Variants in DSCAM observed in about 807,000 individuals in gnomAD.
DSCAM encodes DS cell adhesion molecule.
In DSCAM, 47 loss-of-function variants were observed where a neutral mutation model predicts 217.7. That is an observed-to-expected ratio of 0.22 (90% CI 0.17 to 0.28). The LOEUF (loss-of-function observed/expected upper bound fraction) is 0.28. Among genes scored for constraint, DSCAM ranks in the 10% least tolerant of loss-of-function variants. The pLI is 1.00. For synonymous variants in DSCAM, 1,056 were observed against 1,015.3 expected (o/e 1.04, Z -0.76); for missense variants, 2,080 against 2,618.3 (o/e 0.79, Z 4.49).
intron 16 of DSCAM, among the ~76,000 whole-genome samples, chr21:40,157,511 A>G (rs946107191): frequency 1.3e-5 from 2 of 152,176 alleles, no homozygotes; most frequent in African/African-American, 4.8e-5. Context: ...CTCTCCTTTT[A>G]TCCATGCTCC....
intron 20 of DSCAM, among the ~76,000 whole-genome samples, chr21:40,122,724 C>T (rs564464511): frequency 6.6e-6 from 1 of 152,256 alleles, no homozygotes; most frequent in South Asian, 2.1e-4. Flanking sequence ...TGACTATTTA[C>T]GTTTACATAT....
rs1417807862 is a variant in DSCAM, at chr21:40,559,375, G to A, written c.508+133435C>T. Among the ~76,000 whole-genome samples, 7 of 151,666 alleles carry A rather than the reference G, an allele frequency of 4.6e-5. No homozygotes were observed. In the South Asian group the frequency reaches 1.5e-3, roughly 31 times the overall value. On this transcript the variant is annotated intron_variant, in intron 3 of 32. Coordinates refer to ENST00000400454, the MANE Select transcript of DSCAM (RefSeq NM_001389.5). Reference sequence around the variant, plus strand: ...GGGGAGGCTGAGGCAGAAGAATAGCGTAAACCCGGGGGGTGGAGCTTGCAG... The same window carrying A: ...GGGGAGGCTGAGGCAGAAGAATAGCATAAACCCGGGGGGTGGAGCTTGCAG...
intron 21 of DSCAM, among the ~76,000 whole-genome samples, 169 bp downstream of exon 21, chr21:40,093,552 T>C (rs910609094): frequency 8.5e-5 from 13 of 152,234 alleles, no homozygotes; most frequent in Non-Finnish European, 1.8e-4. Context: ...TACTTTTCCA[T>C]GGGACAGAAG....
chr21:40,737,124 T>C (rs1005809493), intron 1 of DSCAM, among the ~76,000 whole-genome samples: 2 of 152,222 alleles, frequency 1.3e-5, no homozygotes, highest in African/African-American at 4.8e-5. Context: ...TATTTTCCTT[T>C]ATTCTAATTT....
intron 3 of DSCAM, among the ~76,000 whole-genome samples, chr21:40,516,687 G>C (rs897877343): frequency 6.6e-6 from 1 of 152,084 alleles, no homozygotes; most frequent in East Asian, 1.9e-4. Context: ...TCTGCGACTA[G>C]GCAGAGGTCA....
intron 27 of DSCAM, among the ~76,000 whole-genome samples, chr21:40,072,061 T>G (rs1351353238): frequency 1.3e-5 from 2 of 152,236 alleles, no homozygotes; most frequent in Non-Finnish European, 2.9e-5. Context: ...GTCTGCCCCT[T>G]GCAAGCCTTG....
At chr21:40,443,098 T>A (rs1237191129) in intron 3 of DSCAM, among the ~76,000 whole-genome samples, 2 of 152,248 alleles carry the variant, frequency 1.3e-5, no homozygotes, top group Non-Finnish European at 2.9e-5. Flanking sequence ...CTGTGGATCA[T>A]ATCGTGTTGA....
chr21:40,641,728 C>T lies in DSCAM; in HGVS notation c.508+51082G>A, dbSNP rs139306759. 2.0e-5 allele frequency among the ~76,000 whole-genome samples: 3 copies of T among 152,176 alleles called. No homozygotes were observed. The East Asian group carries it at 5.8e-4, about 30-fold the overall frequency. On this transcript the variant is annotated intron_variant, in intron 3 of 32. Coordinates refer to ENST00000400454, the MANE Select transcript of DSCAM (RefSeq NM_001389.5). ...GATTTATTTACTCTGACATGGAGAG[C>T]CTTACTACACACTGATAAAAGCCAA...
chr21:40,229,377 TA>T (rs2091360697), intron 11 of DSCAM, among the ~76,000 whole-genome samples: 1 of 152,256 alleles, frequency 6.6e-6, no homozygotes, highest in South Asian at 2.1e-4. Context: ...TTAATTCACC[TA>T]CATTAAGATT....
intron 3 of DSCAM, among the ~76,000 whole-genome samples, chr21:40,515,936 CT>C (rs912171304): frequency 4.6e-5 from 7 of 151,230 alleles, no homozygotes; most frequent in African/African-American, 1.2e-4. Flanking sequence ...ACAAAACTTT[CT>C]TTTTTTTTCA....
At chr21:40,531,087 T>C (rs1020524397) in intron 3 of DSCAM, among the ~76,000 whole-genome samples, 1 of 152,206 alleles carries the variant, frequency 6.6e-6, no homozygotes, top group Non-Finnish European at 1.5e-5. Context: ...AATAAGAGTT[T>C]ACACTGAAAA....
Position 40,134,028 on chromosome 21 carries a change from A to G in DSCAM, c.3407-19T>C, listed in dbSNP as rs1261889158. The G allele has an allele frequency of 1.3e-6, 2 of 1,598,752 alleles. No homozygotes were observed. The highest frequency in any genetic ancestry group is 1.3e-5 in the African/African-American group (1 of 74,280). On this transcript the variant is annotated intron_variant, in intron 18 of 32. Transcript: ENST00000400454. The stretch of plus-strand genomic sequence containing the variant: ...CCCAGCTCTGGAGGACAAGAACAAG[A>G]AAACAAAATCCCACTTCTGAGCCCA...
At chr21:40,259,276 C>CTCTTTT (rs60746502) in intron 11 of DSCAM, among the ~76,000 whole-genome samples, 9 of 119,754 alleles carry the variant, frequency 7.5e-5, no homozygotes, top group African/African-American at 2.9e-4. Flanking sequence ...TTAATGAACT[C>CTCTTTT]TTTTTTTTTT....
intron 11 of DSCAM, among the ~76,000 whole-genome samples, chr21:40,222,917 A>G (rs2091300977): frequency 6.6e-6 from 1 of 152,232 alleles, no homozygotes; most frequent in Non-Finnish European, 1.5e-5. Context: ...TCTGTATTAA[A>G]GATCTAAAGT....
At chr21:40,780,413 G>A (rs200104238) in intron 1 of DSCAM, among the ~76,000 whole-genome samples, 11,723 of 38,562 alleles carry the variant, frequency 0.3, 1,035 homozygotes, top group Non-Finnish European at 0.36. Flanking sequence ...GTGTGTGTGT[G>A]TGTGTGTGTG....
At chr21:40,747,373 C>T (rs1390048146) in intron 1 of DSCAM, among the ~76,000 whole-genome samples, 2 of 149,970 alleles carry the variant, frequency 1.3e-5, no homozygotes, top group Non-Finnish European at 3.0e-5. Context: ...AAAAAGGAAA[C>T]ATTAAAACTG....
intron 3 of DSCAM, among the ~76,000 whole-genome samples, chr21:40,566,965 A>G (rs7278084): frequency 0.037 from 5,699 of 152,008 alleles, 308 homozygotes; most frequent in African/African-American, 0.12. Context: ...GCATCCTTTC[A>G]GTGCGAAGGA....
intron 3 of DSCAM, among the ~76,000 whole-genome samples, chr21:40,631,579 C>T (rs1439661663): frequency 6.6e-6 from 1 of 152,164 alleles, no homozygotes; most frequent in Admixed American, 6.5e-5. Flanking sequence ...CCCTCAGGCC[C>T]CACAGTCATG....
At chr21:40,267,505 T>C (rs1218050483) in intron 11 of DSCAM, among the ~76,000 whole-genome samples, 2 of 152,218 alleles carry the variant, frequency 1.3e-5, no homozygotes, top group African/African-American at 2.4e-5. Flanking sequence ...ATTAGATGTA[T>C]GTTAACCATT....
Sources: gnomAD v4.1 joint callset for allele counts (sites outside exome capture counted in the v4.1 genomes callset) on GRCh38, gnomAD v4.1.1 for gene constraint, MANE v1.5 for transcripts, NCBI Gene and HGNC (gene_info 2026-07-23, HGNC 2026-07-21) for gene names.